Variants in FGD6 observed in about 807,000 individuals in gnomAD.
FGD6 encodes FYVE, RhoGEF and PH domain containing 6, also known as FYVE, RhoGEF and PH domain-containing protein 6.
FGD6 carries 90 observed loss-of-function variants against 149.4 expected under a neutral mutation model. That is an observed-to-expected ratio of 0.60 (90% confidence interval 0.51 to 0.72). The LOEUF (loss-of-function observed/expected upper bound fraction) is 0.72, where lower values mean the gene tolerates loss of function less well. Among genes scored for constraint, FGD6 ranks in the 30% least tolerant of loss-of-function variants. FGD6 has a pLI of 0.00. For synonymous variants in FGD6, 527 were observed against 584.0 expected (o/e 0.90, Z 1.41); for missense variants, 1,437 against 1,684.8 (o/e 0.85, Z 2.57).
chr12:95,207,099 C>G (rs749450528), intron 2 of FGD6, among the ~76,000 whole-genome samples: 60 of 151,518 alleles, frequency 4.0e-4, no homozygotes, highest in Non-Finnish European at 6.5e-4. Flanking sequence ...GTGGGAGGGA[C>G]CCGGTGGGAG....
At chr12:95,104,892 G>A in intron 14 of FGD6, 115 bp downstream of exon 14, 1 of 748,782 alleles carries the variant, frequency 1.3e-6, no homozygotes, top group Non-Finnish European at 2.1e-6. Context: ...CAGCCTGGGT[G>A]ACAGAGTGAG....
At chr12:95,136,904 C>T (rs1879681754) in intron 7 of FGD6, among the ~76,000 whole-genome samples, 1 of 152,182 alleles carries the variant, frequency 6.6e-6, no homozygotes, top group African/African-American at 2.4e-5. Flanking sequence ...CTTAACATTA[C>T]TGAACTATAA....
chr12:95,092,480 C>T (rs1395913250), intron 16 of FGD6, among the ~76,000 whole-genome samples: 2 of 152,122 alleles, frequency 1.3e-5, no homozygotes, highest in Non-Finnish European at 2.9e-5. Flanking sequence ...TCTAATGTAA[C>T]TCTGAAGTAG....
chr12:95,173,256 C>T (rs1881043388), intron 2 of FGD6, among the ~76,000 whole-genome samples: 1 of 152,172 alleles, frequency 6.6e-6, no homozygotes, highest in Non-Finnish European at 1.5e-5. Flanking sequence ...ATGGTTATCA[C>T]TGTTCTGTTC....
intron 5 of FGD6, among the ~76,000 whole-genome samples, chr12:95,150,161 G>C (rs1283716812): frequency 2.0e-5 from 3 of 151,544 alleles, no homozygotes; most frequent in African/African-American, 7.3e-5. Context: ...CAGAGTAGCT[G>C]GGATTACAGA....
intron 3 of FGD6, among the ~76,000 whole-genome samples, chr12:95,156,009 C>T (rs1375606036): frequency 6.6e-6 from 1 of 152,104 alleles, no homozygotes; most frequent in Admixed American, 6.6e-5. Context: ...TTTCCTATGC[C>T]TGTCTTTACT....
intron 5 of FGD6, among the ~76,000 whole-genome samples, chr12:95,147,380 T>C (rs1005775222): frequency 6.6e-6 from 1 of 152,190 alleles, no homozygotes; most frequent in Non-Finnish European, 1.5e-5. Flanking sequence ...TGCAAAACTG[T>C]AGAAAACATA....
At chr12:95,194,850 G>C (rs1482562120) in intron 2 of FGD6, among the ~76,000 whole-genome samples, 1 of 152,176 alleles carries the variant, frequency 6.6e-6, no homozygotes, top group African/African-American at 2.4e-5. Flanking sequence ...AGCTGAAGCA[G>C]ACTAGTTTCT....
At chr12:95,156,872 G>C (rs938429719) in intron 3 of FGD6, among the ~76,000 whole-genome samples, 1 of 151,894 alleles carries the variant, frequency 6.6e-6, no homozygotes. Flanking sequence ...GGTGAATTCC[G>C]CCCAATATCT....
intron 11 of FGD6, 42 bp from the exon 12 acceptor site, chr12:95,107,673 A>G: frequency 6.3e-7 from 1 of 1,593,400 alleles, no homozygotes; most frequent in Non-Finnish European, 8.6e-7. Context: ...CTACCATCAC[A>G]ACACAACGAC....
At chr12:95,114,673 C>G (rs1435063639) in intron 8 of FGD6, among the ~76,000 whole-genome samples, 1 of 152,010 alleles carries the variant, frequency 6.6e-6, no homozygotes, top group African/African-American at 2.4e-5. Flanking sequence ...ATAGAAGAAC[C>G]TATATTTAAT....
chr12:95,089,700 G>C lies in FGD6; in HGVS notation c.3851-4C>G, dbSNP rs1592825314. On this transcript the variant is annotated splice_polypyrimidine_tract_variant and splice_region_variant and intron_variant, in intron 17 of 20. Transcript: ENST00000343958. ...ATCCTAGGGGAGTGCTGGTGATCTAGAACAAATCAGGCATGCTTATGTAGG... is the reference window on the plus strand; with the variant it reads ...ATCCTAGGGGAGTGCTGGTGATCTACAACAAATCAGGCATGCTTATGTAGG... 6.2e-7 allele frequency: 1 copy of C among 1,612,858 alleles called. No homozygotes were observed. The highest frequency in any genetic ancestry group is 1.7e-5 in the Admixed American group (1 of 59,890).
chr12:95,085,541 GAC>G (rs1157755945), intron 19 of FGD6: 1 of 505,794 alleles, frequency 2.0e-6, no homozygotes, highest in Non-Finnish European at 3.4e-6. Flanking sequence ...GTAGTCACAC[GAC>G]ACACACAAAA....
At chr12:95,190,131 G>A (rs1739548508) in intron 2 of FGD6, among the ~76,000 whole-genome samples, 1 of 152,160 alleles carries the variant, frequency 6.6e-6, no homozygotes, top group African/African-American at 2.4e-5. Context: ...GCTAAGACAT[G>A]GGATTTTATC....
At chr12:95,180,079 CAA>C (rs148087005) in intron 2 of FGD6, among the ~76,000 whole-genome samples, 16 of 138,650 alleles carry the variant, frequency 1.2e-4, no homozygotes, top group Admixed American at 2.9e-4. Context: ...ACTCTGCCTC[CAA>C]AAAAAAAAAA....
At chr12:95,109,313 C>T (rs904725383) in intron 9 of FGD6, among the ~76,000 whole-genome samples, 3 of 152,184 alleles carry the variant, frequency 2.0e-5, no homozygotes, top group Admixed American at 1.3e-4. Context: ...CATAGTGCTC[C>T]CTTAGGGACA....
At position 95,091,695 on chromosome 12, in the gene FGD6, C is replaced by A; in HGVS notation, c.3850+12G>T. 6.2e-7 allele frequency: 1 copy of A among 1,604,048 alleles called. No homozygotes were observed. Among genetic ancestry groups the A allele is most frequent in the Non-Finnish European group, 8.5e-7 (1 of 1,174,012 alleles). On this transcript the variant is annotated intron_variant, in intron 17 of 20. Coordinates refer to ENST00000343958, the MANE Select transcript of FGD6 (RefSeq NM_018351.4). ...AAAGGAATTTTTGGTTAAATCCTTACTTATATATTACCTAATTTCTGCAGT... is the reference window on the plus strand; with the variant it reads ...AAAGGAATTTTTGGTTAAATCCTTAATTATATATTACCTAATTTCTGCAGT...
intron 3 of FGD6, among the ~76,000 whole-genome samples, chr12:95,162,732 C>T (rs1386494844): frequency 6.6e-6 from 1 of 152,142 alleles, no homozygotes; most frequent in Non-Finnish European, 1.5e-5. Flanking sequence ...TCCAAATCAC[C>T]GTTTAAACAC....
chr12:95,188,083 G>A (rs562927640), intron 2 of FGD6, among the ~76,000 whole-genome samples: 1 of 152,288 alleles, frequency 6.6e-6, no homozygotes, highest in Non-Finnish European at 1.5e-5. Context: ...GAATGACACT[G>A]ATAAGCATAC....
Sources: gnomAD v4.1 joint callset for allele counts (sites outside exome capture counted in the v4.1 genomes callset) on GRCh38, gnomAD v4.1.1 for gene constraint, MANE v1.5 for transcripts, NCBI Gene and HGNC (gene_info 2026-07-23, HGNC 2026-07-21) for gene names.